Variants in MYO1D observed in about 807,000 individuals in gnomAD.
MYO1D encodes unconventional myosin-Id.
A neutral mutation model predicts 122.0 loss-of-function variants in MYO1D; 83 were observed. The ratio of observed to expected loss-of-function variants is 0.68; its 90% CI spans 0.57 to 0.82. The LOEUF is 0.82. MYO1D is among the 40% of genes least tolerant of loss of function. The pLI is 0.00. For missense variants in MYO1D, 1,157 were observed against 1,269.5 expected, an observed-to-expected ratio of 0.91 and a Z score of 1.35; for synonymous variants, 464 against 446.9, an observed-to-expected ratio of 1.04 and a Z score of -0.48.
intron 16 of MYO1D, among the ~76,000 whole-genome samples, chr17:32,695,902 T>C (rs1567953468): frequency 6.6e-6 from 1 of 152,234 alleles, no homozygotes; most frequent in Non-Finnish European, 1.5e-5. Flanking sequence ...TCTCAAAGTG[T>C]GGTTGGGGAA....
chr17:32,876,312 C>G lies in MYO1D; in HGVS notation c.95+466G>C, dbSNP rs532742846. Among the ~76,000 whole-genome samples, 26 of 152,274 alleles carry G rather than the reference C, an allele frequency of 1.7e-4. No individual in the cohort carries two copies. In the East Asian group the frequency reaches 1.9e-3, roughly 11 times the overall value. On this transcript the variant is annotated intron_variant, in intron 1 of 21. Transcript: ENST00000318217. ...AGGGCGAAGAAAGAAAGAAAAGAAG[C>G]AAGTGTAAAGCCGGGATGAGACGCC... is the stretch of plus-strand genomic sequence containing the variant.
chr17:32,748,199 C>T (rs897454188), intron 12 of MYO1D, among the ~76,000 whole-genome samples: 5 of 152,088 alleles, frequency 3.3e-5, no homozygotes, highest in East Asian at 3.8e-4. Context: ...AATAAAAATA[C>T]GGCTAGTAAG....
intron 20 of MYO1D, among the ~76,000 whole-genome samples, chr17:32,617,736 C>T (rs796375144): frequency 2.0e-5 from 3 of 152,304 alleles, no homozygotes; most frequent in South Asian, 2.1e-4. Flanking sequence ...CCACTGCTCG[C>T]GGCCCACCTA....
chr17:32,634,649 A>G (rs1057480722), intron 20 of MYO1D, among the ~76,000 whole-genome samples: 1 of 152,248 alleles, frequency 6.6e-6, no homozygotes, highest in Non-Finnish European at 1.5e-5. Flanking sequence ...ACTACGTTCA[A>G]GAATGATTAG....
At chr17:32,498,642 G>A (rs1237206990) in intron 21 of MYO1D, 2 of 152,232 alleles carry the variant, frequency 1.3e-5, no homozygotes, top group Admixed American at 6.5e-5. Flanking sequence ...AGTGATGCAC[G>A]TGAGGCACTT....
chr17:32,653,892 T>C lies in MYO1D; in HGVS notation c.2546A>G (p.Lys849Arg). The C allele has an allele frequency of 1.2e-6, 2 of 1,614,070 alleles. No individual in the cohort carries two copies. The highest frequency in any genetic ancestry group is 1.7e-6 in the Non-Finnish European group (2 of 1,179,978). ...GACATTCATGTATTTGTCCTTCCGT[T>C]TCAATTCATTAGCAACAGGGACAAA... Reference protein sequence around the residue: ...GTFVPVANELKRKDKYMNVLF... With the variant: ...GTFVPVANELRRKDKYMNVLF... The change falls in exon 19 of 22, where the codon AAA becomes AGA. Residue 849 changes from lysine (K) to arginine (R), a missense_variant. Lys to Arg is a conservative substitution (Grantham distance 26). Transcript: ENST00000318217.
At chr17:32,666,806 T>A (rs1221953344) in intron 16 of MYO1D, among the ~76,000 whole-genome samples, 2 of 152,256 alleles carry the variant, frequency 1.3e-5, no homozygotes, top group South Asian at 2.1e-4. Flanking sequence ...TCCCTGGTAC[T>A]CTGAATTAGA....
chr17:32,628,171 A>G (rs2087952717), intron 20 of MYO1D, among the ~76,000 whole-genome samples: 1 of 152,230 alleles, frequency 6.6e-6, no homozygotes, highest in Non-Finnish European at 1.5e-5. Flanking sequence ...GTCCCTGTAA[A>G]AATTTTAACC....
chr17:32,821,687 G>A (rs1289501864), intron 1 of MYO1D, among the ~76,000 whole-genome samples: 1 of 152,098 alleles, frequency 6.6e-6, no homozygotes, highest in Non-Finnish European at 1.5e-5. Context: ...CTAGGGACTG[G>A]GGGGAAAAGT....
intron 21 of MYO1D, among the ~76,000 whole-genome samples, chr17:32,543,600 A>AAAT (rs1910919876): frequency 6.7e-6 from 1 of 149,884 alleles, no homozygotes; most frequent in Non-Finnish European, 1.5e-5. Flanking sequence ...ATAAATAAAT[A>AAAT]AAAAATAAAA....
At chr17:32,816,973 G>A (rs1186778730) in intron 1 of MYO1D, among the ~76,000 whole-genome samples, 2 of 151,900 alleles carry the variant, frequency 1.3e-5, no homozygotes, top group South Asian at 2.1e-4. Flanking sequence ...TTTTGGTGAG[G>A]AAAAATTATG....
intron 21 of MYO1D, among the ~76,000 whole-genome samples, chr17:32,507,437 G>GT (rs1387554111): frequency 5.9e-5 from 9 of 152,026 alleles, no homozygotes; most frequent in Non-Finnish European, 1.3e-4. Context: ...AAACTTGGGT[G>GT]TATGTGTGTG....
chr17:32,688,229 C>T (rs894816265), intron 16 of MYO1D, among the ~76,000 whole-genome samples: 6 of 152,150 alleles, frequency 3.9e-5, no homozygotes, highest in Admixed American at 2.6e-4. Flanking sequence ...CTTGAATCAA[C>T]TCCTACTTGT....
intron 15 of MYO1D, among the ~76,000 whole-genome samples, chr17:32,715,069 C>A (rs973854551): frequency 6.6e-6 from 1 of 152,156 alleles, no homozygotes; most frequent in Non-Finnish European, 1.5e-5. Flanking sequence ...AATAGCTCAA[C>A]ATCACTGATC....
intron 15 of MYO1D, among the ~76,000 whole-genome samples, chr17:32,718,981 T>C (rs1252193939): frequency 6.6e-6 from 1 of 152,220 alleles, no homozygotes; most frequent in Non-Finnish European, 1.5e-5. Context: ...TCTGCCTAGA[T>C]ACTTAGTAGG....
chr17:32,667,665 T>A (rs781451027), intron 16 of MYO1D, among the ~76,000 whole-genome samples: 12 of 152,244 alleles, frequency 7.9e-5, no homozygotes, highest in Admixed American at 2.0e-4. Context: ...TATTGGTATG[T>A]GCTTGGTGGA....
intron 20 of MYO1D, among the ~76,000 whole-genome samples, chr17:32,630,220 G>C (rs2087985996): frequency 6.6e-6 from 1 of 152,126 alleles, no homozygotes; most frequent in Non-Finnish European, 1.5e-5. Flanking sequence ...AGCACATCTA[G>C]TATTCAGATC....
intron 16 of MYO1D, among the ~76,000 whole-genome samples, chr17:32,711,085 T>A (rs901438648): frequency 1.3e-5 from 2 of 152,178 alleles, no homozygotes; most frequent in African/African-American, 4.8e-5. Context: ...CTCACAGAGG[T>A]ATATGATTTT....
At chr17:32,543,563 G>C (rs1421935340) in intron 21 of MYO1D, among the ~76,000 whole-genome samples, 1 of 128,250 alleles carries the variant, frequency 7.8e-6, no homozygotes. Flanking sequence ...GCAACATCAA[G>C]ACTCTGTCTC....
Sources: gnomAD v4.1 joint callset for allele counts (sites outside exome capture counted in the v4.1 genomes callset) on GRCh38, gnomAD v4.1.1 for gene constraint, MANE v1.5 for transcripts, NCBI Gene and HGNC (gene_info 2026-07-23, HGNC 2026-07-21) for gene names.